The following LRRC37A3 variants were observed in gnomAD, a reference collection of about 807,000 sequenced individuals.
The protein encoded by LRRC37A3 is leucine-rich repeat-containing protein 37A3.
LRRC37A3 carries 25 observed loss-of-function variants against 106.2 expected under a neutral mutation model. The ratio of observed to expected loss-of-function variants is 0.24; its 90% confidence interval spans 0.17 to 0.33. The LOEUF is 0.33. Among genes scored for constraint, LRRC37A3 ranks in the 10% least tolerant of loss-of-function variants. The pLI is 1.00. For synonymous variants in LRRC37A3, 305 were observed against 635.8 expected (o/e 0.48, Z 7.83); for missense variants, 712 against 1,644.9 (o/e 0.43, Z 9.81).
rs1490155561 is a variant in LRRC37A3, at chr17:64,902,751, CCTAT to C, written c.-495-4296_-495-4293del. Among the ~76,000 whole-genome samples, 463 of 125,818 alleles carry C rather than the reference CCTAT, an allele frequency of 3.7e-3. 1 individual carries two copies. Among genetic ancestry groups the C allele is most frequent in the African/African-American group, 0.014 (440 of 30,528 alleles). The allele number at this position is 125,818 out of a possible 152,430, so 82.5% of individuals were successfully genotyped here. On this transcript the variant is annotated intron_variant, in intron 2 of 14. Coordinates refer to ENST00000584306, the MANE Select transcript of LRRC37A3 (RefSeq NM_199340.5). ...AACCCAAACTAATGGATTTAAGATG[CCTAT>C]CTGAGTGATCATTGCTACATGTTGG...
At chr17:64,873,611 G>C (rs1973395112) in intron 8 of LRRC37A3, among the ~76,000 whole-genome samples, 1 of 149,866 alleles carries the variant, frequency 6.7e-6, no homozygotes, top group African/African-American at 2.5e-5. Flanking sequence ...ATAAAAAGGA[G>C]TCAAATAGAA....
rs755196572 is a variant in LRRC37A3 at position 64,859,772 on chromosome 17, G to C, written c.4374C>G (p.Pro1458=). ...AGAGCAATGGGTAATTGAAGCTTTT[G>C]GGCTCGGGGGACAGGTCAGTGCCCA... ...NNVGTDLSPE[P]KSFNYPLLSS... is the part of the protein sequence containing the mutation. Residue 1458 remains proline, a synonymous_variant, in exon 12 of 15, where the codon CCC becomes CCG. Coordinates refer to ENST00000584306, the MANE Select transcript of LRRC37A3 (RefSeq NM_199340.5). The C allele has an allele frequency of 3.7e-6, 6 of 1,612,326 alleles. No homozygotes were observed. The highest frequency in any genetic ancestry group is 5.1e-6 in the Non-Finnish European group (6 of 1,179,974).
At chr17:64,914,035 AT>A (rs1166868880) in intron 2 of LRRC37A3, among the ~76,000 whole-genome samples, 29 of 151,060 alleles carry the variant, frequency 1.9e-4, no homozygotes, top group African/African-American at 5.9e-4. Context: ...AAACCTCTAC[AT>A]TTTTTTTTAA....
chr17:64,876,563 AAT>A (rs1162877863), intron 8 of LRRC37A3, among the ~76,000 whole-genome samples: 1 of 152,240 alleles, frequency 6.6e-6, no homozygotes, highest in Non-Finnish European at 1.5e-5. Context: ...AAAGGATTAT[AAT>A]ATGAATAAAA....
At chr17:64,854,730 T>A (rs967828198) in intron 14 of LRRC37A3, 86 bp from the exon 15 acceptor site, 4 of 1,612,076 alleles carry the variant, frequency 2.5e-6, no homozygotes, top group Non-Finnish European at 3.4e-6. Flanking sequence ...AGATGGGAAC[T>A]GTGAGGGCCC....
chr17:64,860,524 T>C lies in LRRC37A3; in HGVS notation c.3622A>G (p.Ser1208Gly), dbSNP rs773995670. 6.2e-7 allele frequency: 1 copy of C among 1,612,882 alleles called. No homozygotes were observed. The highest frequency in any genetic ancestry group is 1.1e-5 in the South Asian group (1 of 91,030). The change falls in exon 12 of 15, where the codon AGT becomes GGT. Residue 1208 changes from serine (S) to glycine (G), a missense_variant. Transcript: ENST00000584306. ...ENTAEEKRLG[S>G]PAPRELKQPH... ...TGTTTCAGCTCCCTTGGGGCTGGAC[T>C]TCCGAGCCTTTTTTCTTCGGCAGTG... is the stretch of plus-strand genomic sequence containing the variant.
intron 8 of LRRC37A3, among the ~76,000 whole-genome samples, chr17:64,869,832 C>T (rs1022842349): frequency 1.3e-4 from 19 of 151,768 alleles, no homozygotes; most frequent in Middle Eastern, 3.4e-3. Flanking sequence ...TGAGCCACTG[C>T]GGCTGGCTGC....
intron 13 of LRRC37A3, among the ~76,000 whole-genome samples, chr17:64,858,351 TTC>T (rs1972750518): frequency 6.6e-6 from 1 of 152,228 alleles, no homozygotes; most frequent in African/African-American, 2.4e-5. Context: ...AAGACAATAC[TTC>T]TGTCTTTTGG....
At chr17:64,884,254 G>A (rs1451060241) in intron 8 of LRRC37A3, among the ~76,000 whole-genome samples, 1 of 147,882 alleles carries the variant, frequency 6.8e-6, no homozygotes. Context: ...ATGTTTTTGA[G>A]TGAATTCATT....
chr17:64,868,953 C>A, intron 9 of LRRC37A3, 142 bp downstream of exon 9: 2 of 1,461,024 alleles, frequency 1.4e-6, no homozygotes, highest in South Asian at 2.9e-5. Flanking sequence ...TAATTTTTTT[C>A]TTCGCCAATA....
chr17:64,870,314 A>G (rs1438208694), intron 8 of LRRC37A3, among the ~76,000 whole-genome samples: 2 of 151,930 alleles, frequency 1.3e-5, no homozygotes. Context: ...TGTTTATTGA[A>G]TAAACAAATG....
rs1352557957 is a variant in LRRC37A3 at position 64,860,373 on chromosome 17, G to A, written c.3773C>T (p.Thr1258Ile). 6.2e-7 allele frequency: 1 copy of A among 1,613,974 alleles called. No individual in the cohort carries two copies. Among genetic ancestry groups the A allele is most frequent in the Admixed American group, 1.7e-5 (1 of 60,022 alleles). The change falls in exon 12 of 15, where the codon ACC (threonine) becomes ATC (isoleucine). Residue 1258 changes from threonine (T) to isoleucine (I), a missense_variant. Transcript: ENST00000584306. ...LKPFSKGAPS[T>I]SSPAKALPQV... ...TGGTAGGGCTTTTGCAGGGCTGGAG[G>A]TAGAAGGCGCGCCCTTGGAGAAGGG... is the stretch of plus-strand genomic sequence containing the variant.
At chr17:64,867,754 G>A (rs923583527) in intron 10 of LRRC37A3, among the ~76,000 whole-genome samples, 1 of 152,016 alleles carries the variant, frequency 6.6e-6, no homozygotes, top group Non-Finnish European at 1.5e-5. Flanking sequence ...CAACAACATG[G>A]ATGGTAGCAT....
At chr17:64,857,776 T>G (rs1972729139) in intron 13 of LRRC37A3, among the ~76,000 whole-genome samples, 1 of 152,094 alleles carries the variant, frequency 6.6e-6, no homozygotes. Flanking sequence ...AATAAGGGCA[T>G]TTTAGATGGA....
intron 8 of LRRC37A3, chr17:64,871,427 T>TA (rs1197805502): frequency 1.3e-5 from 2 of 152,118 alleles, no homozygotes; most frequent in African/African-American, 4.8e-5. Flanking sequence ...GTCTTTCCCC[T>TA]AATCATTTCC....
chr17:64,858,532 A>G (rs553298387), intron 13 of LRRC37A3, among the ~76,000 whole-genome samples: 2 of 152,316 alleles, frequency 1.3e-5, no homozygotes, highest in South Asian at 4.1e-4. Context: ...TATTATATCC[A>G]CTTCTTAAAA....
At chr17:64,882,362 AAG>A (rs1409663478) in intron 8 of LRRC37A3, among the ~76,000 whole-genome samples, 1 of 151,304 alleles carries the variant, frequency 6.6e-6, no homozygotes. Context: ...GTGAGAAGAG[AAG>A]ACAGCTTGTT....
Position 64,858,874 on chromosome 17 carries a change from C to A in LRRC37A3, c.4714G>T (p.Glu1572Ter). 3 of 1,584,396 alleles carry A rather than the reference C, an allele frequency of 1.9e-6. No individual in the cohort carries two copies. Among genetic ancestry groups the A allele is most frequent in the Non-Finnish European group, 2.6e-6 (3 of 1,161,170 alleles). The part of the protein sequence containing the change: ...QKEKSLEFTK[E>*]LPGYGYTKKL... ...TTGGTATAGCCATATCCTGGAAGTT[C>A]TTTTGTGAACTAAAAAAAAAAAAAC... The change falls in exon 13 of 15, where the codon GAA becomes TAA. Residue 1572 changes from glutamate to a stop codon, truncating the protein, a stop_gained. Coordinates refer to ENST00000584306, the MANE Select transcript of LRRC37A3 (RefSeq NM_199340.5). LOFTEE classifies it high-confidence loss of function.
At chr17:64,864,833 G>T (rs2143407066) in intron 10 of LRRC37A3, among the ~76,000 whole-genome samples, 1 of 152,146 alleles carries the variant, frequency 6.6e-6, no homozygotes, top group African/African-American at 2.4e-5. Flanking sequence ...GTGTTGCAGA[G>T]GTTGTGGGGG....
Sources: gnomAD v4.1 joint callset for allele counts (sites outside exome capture counted in the v4.1 genomes callset) on GRCh38, gnomAD v4.1.1 for gene constraint, MANE v1.5 for transcripts, NCBI Gene and HGNC (gene_info 2026-07-23, HGNC 2026-07-21) for gene names.